The following ZFYVE28 variants were observed in gnomAD, a reference collection of about 807,000 sequenced individuals.
The protein encoded by ZFYVE28 is zinc finger FYVE-type containing 28.
Under a neutral mutation model 82.1 loss-of-function variants are expected in ZFYVE28, and 40 were observed. The ratio of observed to expected loss-of-function variants is 0.49; its 90% CI spans 0.38 to 0.63. The LOEUF (loss-of-function observed/expected upper bound fraction) is 0.63, where lower values mean the gene tolerates loss of function less well. Ranked by LOEUF, ZFYVE28 falls within the 30% of genes least tolerant of loss-of-function variation. ZFYVE28 has a pLI of 0.00. For synonymous variants in ZFYVE28, 612 were observed against 546.1 expected, an observed-to-expected ratio of 1.12 and a Z score of -1.68; for missense variants, 1,321 against 1,242.1, an observed-to-expected ratio of 1.06 and a Z score of -0.96.
intron 1 of ZFYVE28, among the ~76,000 whole-genome samples, chr4:2,355,458 T>A (rs1725179718): frequency 6.7e-6 from 1 of 148,414 alleles, no homozygotes; most frequent in Non-Finnish European, 1.5e-5. Context: ...ATTTTTGTAT[T>A]TTCTGTAGAG....
Position 2,281,880 on chromosome 4 carries a change from G to T in ZFYVE28, c.2052-7664C>A, listed in dbSNP as rs140832678. Among the ~76,000 whole-genome samples the T allele has an allele frequency of 8.2e-4, 125 of 152,304 alleles. 5 individuals carry two copies. In the East Asian group the frequency reaches 0.021, roughly 26 times the overall value. On this transcript the variant is annotated intron_variant, in intron 8 of 12. Coordinates refer to ENST00000290974, the MANE Select transcript of ZFYVE28 (RefSeq NM_020972.3). ...CCCAAAAGCCAAGTCTAGTGGGGGA[G>T]CCACACACATTAACAATACAGAGCC...
chr4:2,296,820 G>A (rs772025049), intron 8 of ZFYVE28, among the ~76,000 whole-genome samples: 83 of 152,294 alleles, frequency 5.4e-4, no homozygotes, highest in Admixed American at 8.5e-4. Context: ...TCCTGCAGTG[G>A]GTCCACTGGG....
In ZFYVE28 at chr4:2,275,392, A is replaced by C. The variant is rs556148405; in HGVS notation, c.2052-1176T>G. Among the ~76,000 whole-genome samples, 4 of 152,326 alleles carry C rather than the reference A, an allele frequency of 2.6e-5. No individual in the cohort carries two copies. The East Asian group carries it at 7.7e-4, about 29-fold the overall frequency. ...CTATCTTTTTGTCCCATTTTCTGGG[A>C]AATTTCCCCCAACTCGTTCTTCTAA... On this transcript the variant is annotated intron_variant, in intron 8 of 12. Coordinates refer to ENST00000290974, the MANE Select transcript of ZFYVE28 (RefSeq NM_020972.3).
rs138042602 is a variant in ZFYVE28, at chr4:2,363,348, C to T, written c.40-9275G>A. Among the ~76,000 whole-genome samples the T allele has an allele frequency of 2.6e-3, 392 of 152,218 alleles. 2 individuals are homozygous for T. The highest frequency in any genetic ancestry group is 0.01 in the Middle Eastern group (3 of 294). On this transcript the variant is annotated intron_variant, in intron 1 of 12. Transcript: ENST00000290974. ...CATCCAGAGATAGGGAGGGACTGCC[C>T]AGAACAGCCTGGAACTTGTCCTTGA...
intron 1 of ZFYVE28, among the ~76,000 whole-genome samples, chr4:2,374,831 G>C (rs1465375466): frequency 6.6e-6 from 1 of 152,208 alleles, no homozygotes; most frequent in Non-Finnish European, 1.5e-5. Context: ...TTTCTAGAAA[G>C]TTCTTAGGAC....
intron 1 of ZFYVE28, among the ~76,000 whole-genome samples, chr4:2,356,801 A>G (rs3128828): frequency 0.83 from 125,356 of 151,674 alleles, 51,692 homozygotes; most frequent in Admixed American, 0.88. Flanking sequence ...CCCGAGCCCC[A>G]GGGAGTGCTG....
chr4:2,351,676 T>C (rs962475161), intron 2 of ZFYVE28, among the ~76,000 whole-genome samples: 8 of 152,160 alleles, frequency 5.3e-5, no homozygotes, highest in African/African-American at 1.9e-4. Context: ...ATCGTATGAC[T>C]GCACTCCAGC....
At chr4:2,383,765 C>A (rs1188923084) in intron 1 of ZFYVE28, among the ~76,000 whole-genome samples, 7 of 152,204 alleles carry the variant, frequency 4.6e-5, no homozygotes, top group Admixed American at 3.9e-4. Context: ...TTCCAGCAGG[C>A]CTTCCACAGA....
At chr4:2,317,536 G>A (rs547327528) in intron 7 of ZFYVE28, among the ~76,000 whole-genome samples, 3 of 152,284 alleles carry the variant, frequency 2.0e-5, no homozygotes, top group Admixed American at 6.5e-5. Flanking sequence ...GCAGGAGACC[G>A]AGTTCTGTCC....
At chr4:2,313,848 CAA>C (rs397958081) in intron 7 of ZFYVE28, among the ~76,000 whole-genome samples, 23 of 80,782 alleles carry the variant, frequency 2.8e-4, no homozygotes, top group Admixed American at 4.2e-4. Flanking sequence ...GACTCTGTCT[CAA>C]AAAAAAAAAA....
At chr4:2,381,886 G>A (rs1728763874) in intron 1 of ZFYVE28, among the ~76,000 whole-genome samples, 1 of 152,238 alleles carries the variant, frequency 6.6e-6, no homozygotes, top group Non-Finnish European at 1.5e-5. Context: ...GAGGCCTAGG[G>A]GAAAATGGTT....
intron 8 of ZFYVE28, among the ~76,000 whole-genome samples, chr4:2,278,072 GA>G (rs985832465): frequency 1.3e-5 from 2 of 152,196 alleles, no homozygotes; most frequent in African/African-American, 4.8e-5. Flanking sequence ...AACCAGGAAA[GA>G]ATAGTCTTTT....
rs751279209 is a variant in ZFYVE28, at chr4:2,271,756, C to T, written c.2347G>A (p.Ala783Thr). The T allele has an allele frequency of 6.2e-7, 1 of 1,613,732 alleles. No individual in the cohort carries two copies. The highest frequency in any genetic ancestry group is 8.5e-7 in the Non-Finnish European group (1 of 1,179,940). ...RKVTQTLRSAALEDCALCQET... is the reference protein window; with the variant it reads ...RKVTQTLRSATLEDCALCQET... ...TGGCACAGTGCACAGTCCTCCAAGG[C>T]CGCACTCCGCAGAGTCTGGGTGACT... The change falls in exon 11 of 13, where the codon GCC becomes ACC. Residue 783 changes from alanine to threonine, a missense_variant. Coordinates refer to ENST00000290974, the MANE Select transcript of ZFYVE28 (RefSeq NM_020972.3).
rs77826247 is a variant in ZFYVE28 at position 2,357,313 on chromosome 4, A to G, written c.40-3240T>C. Among the ~76,000 whole-genome samples the G allele has an allele frequency of 2.5e-3, 383 of 152,238 alleles. 9 individuals carry two copies. In the East Asian group the frequency reaches 0.059, roughly 23 times the overall value. Reference sequence around the variant, plus strand: ...TGCTCACCTGGGCCCGGGACCTGCCAATGCCCCTCCTCGCTCCCAAGGAAG... The same window carrying G: ...TGCTCACCTGGGCCCGGGACCTGCCGATGCCCCTCCTCGCTCCCAAGGAAG... On this transcript the variant is annotated intron_variant, in intron 1 of 12. Transcript: ENST00000290974.
At chr4:2,338,321 C>T (rs904364562) in intron 4 of ZFYVE28, among the ~76,000 whole-genome samples, 4 of 152,232 alleles carry the variant, frequency 2.6e-5, no homozygotes, top group African/African-American at 9.6e-5. Context: ...GGTGCAGTAG[C>T]TCACGCCTGT....
rs1037202636 is a variant in ZFYVE28 at position 2,332,945 on chromosome 4, C to T, written c.701+2760G>A. Among the ~76,000 whole-genome samples, 1 of 152,112 alleles carries T rather than the reference C, an allele frequency of 6.6e-6. No individual in the cohort carries two copies. Among genetic ancestry groups the T allele is most frequent in the African/African-American group, 2.4e-5 (1 of 41,406 alleles). Reference sequence around the variant, plus strand: ...GTGGGGGCTCACAGCTGGCCACCCCCCTGGACAGGCCTGCTCCCTGGACTC... The same window carrying T: ...GTGGGGGCTCACAGCTGGCCACCCCTCTGGACAGGCCTGCTCCCTGGACTC... On this transcript the variant is annotated intron_variant, in intron 6 of 12. Coordinates refer to ENST00000290974, the MANE Select transcript of ZFYVE28 (RefSeq NM_020972.3). This position sits in a 1 kb window ranked among gnomAD's most constrained non-coding sequence, Gnocchi z 4.7.
Position 2,304,541 on chromosome 4 carries a change from G to A in ZFYVE28, c.1799C>T (p.Ala600Val). The A allele has an allele frequency of 6.2e-7, 1 of 1,612,760 alleles. No homozygotes were observed. Among genetic ancestry groups the A allele is most frequent in the Non-Finnish European group, 8.5e-7 (1 of 1,179,868 alleles). Residue 600 changes from alanine (A) to valine (V), a missense_variant, in exon 8 of 13, where the codon GCC (alanine) becomes GTC (valine). Around this residue, in one of 2 missense-constraint regions of ZFYVE28, gnomAD observed 978 missense variants for 833.7 expected, o/e 1.17. Coordinates refer to ENST00000290974, the MANE Select transcript of ZFYVE28 (RefSeq NM_020972.3). ...CTCAGGGGCCCTGTCGCTGGCCTTG[G>A]CTAAGCCGGCAGCGTACGAGGCACC... ...VIGASYAAGL[A>V]KASDRAPERQ...
At chr4:2,292,425 G>C (rs1211707824) in intron 8 of ZFYVE28, among the ~76,000 whole-genome samples, 2 of 152,140 alleles carry the variant, frequency 1.3e-5, no homozygotes, top group East Asian at 3.9e-4. Context: ...GGGCACAAGG[G>C]GTCTACAAGC....
At chr4:2,274,550 G>A (rs538022642) in intron 8 of ZFYVE28, among the ~76,000 whole-genome samples, 6 of 152,172 alleles carry the variant, frequency 3.9e-5, no homozygotes, top group South Asian at 4.2e-4. Context: ...CTATGGAAGC[G>A]TCAACTCACC....
Sources: gnomAD v4.1 joint callset for allele counts (sites outside exome capture counted in the v4.1 genomes callset) on GRCh38, gnomAD v4.1.1 for gene constraint, gnomAD v4.1.1 regional missense constraint, Gnocchi (gnomAD v3.1) non-coding constraint, MANE v1.5 for transcripts, NCBI Gene and HGNC (gene_info 2026-07-23, HGNC 2026-07-21) for gene names.